The following NECAB1 variants were observed in gnomAD, a reference collection of about 807,000 sequenced individuals.
The protein encoded by NECAB1 is N-terminal EF-hand calcium binding protein 1.
A neutral mutation model predicts 57.5 loss-of-function variants in NECAB1; 29 were observed. That is an observed-to-expected ratio of 0.50 (90% confidence interval 0.38 to 0.69). The LOEUF is 0.69. Ranked by LOEUF, NECAB1 falls within the 30% of genes least tolerant of loss-of-function variation. NECAB1 has a pLI of 0.00. For missense variants in NECAB1, 372 were observed against 413.8 expected, an observed-to-expected ratio of 0.90 and a Z score of 0.88; for synonymous variants, 142 against 147.7, an observed-to-expected ratio of 0.96 and a Z score of 0.28.
chr8:90,803,645 C>T (rs1811798378), intron 2 of NECAB1, among the ~76,000 whole-genome samples: 1 of 152,156 alleles, frequency 6.6e-6, no homozygotes, highest in Non-Finnish European at 1.5e-5. Flanking sequence ...CCCACTCTGC[C>T]TTCCTTACCG....
intron 5 of NECAB1, among the ~76,000 whole-genome samples, chr8:90,911,756 CA>C (rs1809835681): frequency 6.6e-6 from 1 of 152,120 alleles, no homozygotes; most frequent in East Asian, 1.9e-4. Context: ...GAAGTATTAT[CA>C]CAGCAAACAA....
At chr8:90,901,623 T>A (rs1172994586) in intron 5 of NECAB1, among the ~76,000 whole-genome samples, 1 of 152,198 alleles carries the variant, frequency 6.6e-6, no homozygotes, top group Non-Finnish European at 1.5e-5. Context: ...AATGAGCAAT[T>A]TGTATTCAGT....
chr8:90,808,204 A>G (rs3913686), intron 2 of NECAB1, among the ~76,000 whole-genome samples: 49,746 of 151,948 alleles, frequency 0.33, 9,204 homozygotes, highest in East Asian at 0.81. Context: ...CAAAGGCTCA[A>G]AAATCAGGTC....
At chr8:90,888,574 A>AC (rs1478619266) in intron 5 of NECAB1, among the ~76,000 whole-genome samples, 1 of 152,196 alleles carries the variant, frequency 6.6e-6, no homozygotes, top group Non-Finnish European at 1.5e-5. Flanking sequence ...ATCATGTTGA[A>AC]GTTGTTCTTT....
chr8:90,924,911 G>A (rs1353285610), intron 6 of NECAB1, among the ~76,000 whole-genome samples: 1 of 151,694 alleles, frequency 6.6e-6, no homozygotes, highest in South Asian at 2.1e-4. Context: ...AATTTAGAAG[G>A]TGTTTACTTT....
In NECAB1 at chr8:90,847,879, C is replaced by T. The variant is rs538236238; in HGVS notation, c.233+23054C>T. On this transcript the variant is annotated intron_variant, in intron 3 of 12. Transcript: ENST00000417640. Reference sequence around the variant, plus strand: ...GTCCAGCCCACAGTACCATTTTTTTCGCCTTGGCCTCCAGGCCTGTGATGG... The same window carrying T: ...GTCCAGCCCACAGTACCATTTTTTTTGCCTTGGCCTCCAGGCCTGTGATGG... 1.9e-3 allele frequency among the ~76,000 whole-genome samples: 295 copies of T among 152,322 alleles called. 1 individual carries two copies. The highest frequency in any genetic ancestry group is 6.8e-3 in the African/African-American group (284 of 41,582).
intron 4 of NECAB1, among the ~76,000 whole-genome samples, chr8:90,874,576 T>C (rs1161185040): frequency 6.6e-6 from 1 of 152,212 alleles, no homozygotes; most frequent in Non-Finnish European, 1.5e-5. Context: ...TTGATATATA[T>C]GTGTACGTGT....
intron 2 of NECAB1, among the ~76,000 whole-genome samples, chr8:90,812,152 G>A (rs758658352): frequency 2.0e-5 from 3 of 152,180 alleles, no homozygotes; most frequent in Non-Finnish European, 2.9e-5. Context: ...GTATAGAGGA[G>A]GGGAAATGCA....
At chr8:90,849,514 T>C (rs1049132336) in intron 3 of NECAB1, among the ~76,000 whole-genome samples, 6 of 134,512 alleles carry the variant, frequency 4.5e-5, no homozygotes, top group Admixed American at 4.0e-4. Flanking sequence ...GTTTTTGCCA[T>C]GTCCTACTCA....
intron 3 of NECAB1, among the ~76,000 whole-genome samples, chr8:90,865,314 A>G (rs1808492828): frequency 6.6e-6 from 1 of 152,172 alleles, no homozygotes; most frequent in African/African-American, 2.4e-5. Flanking sequence ...CCCCAGAATT[A>G]GAGAGGTTCA....
chr8:90,942,830 C>T (rs1474652164), intron 10 of NECAB1, among the ~76,000 whole-genome samples: 15 of 152,048 alleles, frequency 9.9e-5, no homozygotes, highest in Admixed American at 9.8e-4. Flanking sequence ...TGCAGTGAGC[C>T]GAGATCGCGC....
chr8:90,952,325 G>A (rs980901480), intron 12 of NECAB1, among the ~76,000 whole-genome samples: 1 of 152,150 alleles, frequency 6.6e-6, no homozygotes, highest in African/African-American at 2.4e-5. Context: ...TGAAGCCTGG[G>A]ATTGGTAAGA....
rs374861528 is a variant in NECAB1 at position 90,840,091 on chromosome 8, A to AAACAATAATAATAACAAC, written c.233+15279_233+15296dup. 2.4e-4 allele frequency among the ~76,000 whole-genome samples: 36 copies of AAACAATAATAATAACAAC among 152,328 alleles called. 1 individual carries two copies. The highest frequency in any genetic ancestry group is 8.4e-4 in the African/African-American group (35 of 41,572). Reference sequence around the variant, plus strand: ...TGAATAAGAATACCCTGATGTTGCAAAACAATAATAATAACAACAACAATA... The same window carrying AAACAATAATAATAACAAC: ...TGAATAAGAATACCCTGATGTTGCAAAACAATAATAATAACAACAACAATAATAATAACAACAACAATA... On this transcript the variant is annotated intron_variant, in intron 3 of 12. Coordinates refer to ENST00000417640, the MANE Select transcript of NECAB1 (RefSeq NM_022351.5).
At chr8:90,891,632 A>G (rs1040873174) in intron 5 of NECAB1, among the ~76,000 whole-genome samples, 6 of 151,952 alleles carry the variant, frequency 3.9e-5, no homozygotes, top group African/African-American at 1.4e-4. Flanking sequence ...TCACAGAAGG[A>G]ATTAAGAAAG....
Position 90,801,713 on chromosome 8 carries a change from A to G in NECAB1, c.122A>G (p.Asn41Ser), listed in dbSNP as rs1407807328. 2.6e-6 allele frequency: 4 copies of G among 1,523,770 alleles called. No homozygotes were observed. The highest frequency in any genetic ancestry group is 3.5e-6 in the Non-Finnish European group (4 of 1,129,374). 94.4% of individuals were successfully genotyped at this position (1,523,770 alleles called of 1,614,324 possible). The change falls in exon 2 of 13, where the codon AAT (asparagine) becomes AGT (serine). Residue 41 changes from asparagine to serine, a missense_variant and splice_region_variant. Transcript: ENST00000417640. ...CAGATACTGAGGAGAGCAGACAAAAATGGTAAGACCAAAAATCTACAGTAT... is the reference window on the plus strand; with the variant it reads ...CAGATACTGAGGAGAGCAGACAAAAGTGGTAAGACCAAAAATCTACAGTAT... ...FLDILRRADK[N>S]DDGKLSFEEF...
chr8:90,932,493 A>G (rs752102215), intron 8 of NECAB1, among the ~76,000 whole-genome samples: 4 of 152,222 alleles, frequency 2.6e-5, no homozygotes, highest in Non-Finnish European at 5.9e-5. Flanking sequence ...AATATAATAC[A>G]GATAGGGGGT....
At chr8:90,809,815 G>C (rs1811921464) in intron 2 of NECAB1, among the ~76,000 whole-genome samples, 3 of 151,996 alleles carry the variant, frequency 2.0e-5, no homozygotes, top group African/African-American at 7.3e-5. Flanking sequence ...TCACACCTAA[G>C]TTGTTAAAAA....
intron 3 of NECAB1, among the ~76,000 whole-genome samples, chr8:90,833,550 T>C (rs560764155): frequency 3.3e-5 from 5 of 152,288 alleles, no homozygotes; most frequent in Non-Finnish European, 7.4e-5. Flanking sequence ...TTGAACTCTT[T>C]CTTTCCGCCA....
intron 1 of NECAB1, among the ~76,000 whole-genome samples, chr8:90,798,943 C>T (rs887815834): frequency 6.6e-6 from 1 of 152,190 alleles, no homozygotes; most frequent in Non-Finnish European, 1.5e-5. Flanking sequence ...CTTTTCTCTG[C>T]AGCAGCTCCA....
Sources: gnomAD v4.1 joint callset for allele counts (sites outside exome capture counted in the v4.1 genomes callset) on GRCh38, gnomAD v4.1.1 for gene constraint, MANE v1.5 for transcripts, NCBI Gene and HGNC (gene_info 2026-07-23, HGNC 2026-07-21) for gene names.